Variants in GRID1 observed in about 807,000 individuals in gnomAD.
GRID1 encodes the protein glutamate receptor ionotropic, delta-1.
GRID1 carries 28 observed loss-of-function variants against 98.0 expected under a neutral mutation model. The observed-to-expected ratio is 0.29, with a 90% CI of 0.21 to 0.39. The LOEUF is 0.39. GRID1 is among the 10% of genes least tolerant of loss of function. GRID1 has a pLI of 1.00. For missense variants in GRID1, 1,111 were observed against 1,340.5 expected (o/e 0.83, Z 2.67); for synonymous variants, 553 against 538.5 (o/e 1.03, Z -0.37).
At chr10:85,865,657 A>T (rs901543895) in intron 6 of GRID1, among the ~76,000 whole-genome samples, 2 of 152,016 alleles carry the variant, frequency 1.3e-5, no homozygotes, top group African/African-American at 2.4e-5. Flanking sequence ...CTTCTCGATA[A>T]ATCTCACAGC....
At chr10:85,718,046 C>T (rs1414947686) in intron 12 of GRID1, among the ~76,000 whole-genome samples, 1 of 152,228 alleles carries the variant, frequency 6.6e-6, no homozygotes. Flanking sequence ...CAGCCTCCCT[C>T]ATGGCTGCTT....
intron 2 of GRID1, among the ~76,000 whole-genome samples, chr10:86,256,512 A>C (rs1376722643): frequency 2.0e-5 from 3 of 152,162 alleles, no homozygotes; most frequent in Admixed American, 2.0e-4. Context: ...GACTGCAATT[A>C]AACTCACCCT....
chr10:85,887,320 C>A (rs1841131054), intron 5 of GRID1, among the ~76,000 whole-genome samples: 2 of 152,222 alleles, frequency 1.3e-5, no homozygotes, highest in Admixed American at 6.5e-5. Context: ...GAAGGGGCAT[C>A]TTCTGAGTAG....
At chr10:86,156,693 T>A (rs1459474706) in intron 3 of GRID1, among the ~76,000 whole-genome samples, 1 of 152,116 alleles carries the variant, frequency 6.6e-6, no homozygotes, top group Non-Finnish European at 1.5e-5. Context: ...GTGTGGCTTG[T>A]GATTAATGGT....
chr10:85,689,320 A>C (rs1841306976), intron 12 of GRID1, among the ~76,000 whole-genome samples: 1 of 152,200 alleles, frequency 6.6e-6, no homozygotes, highest in African/African-American at 2.4e-5. Flanking sequence ...AATAGAATGA[A>C]TTGCAAGGGA....
chr10:86,166,845 C>T (rs754729377), intron 3 of GRID1, among the ~76,000 whole-genome samples: 4 of 152,174 alleles, frequency 2.6e-5, no homozygotes, highest in Non-Finnish European at 5.9e-5. Context: ...CTGCTCTGGC[C>T]CAAGTACCTC....
At chr10:85,793,990 A>C (rs1842504036) in intron 8 of GRID1, among the ~76,000 whole-genome samples, 1 of 152,224 alleles carries the variant, frequency 6.6e-6, no homozygotes, top group African/African-American at 2.4e-5. Flanking sequence ...TGTATTGTGA[A>C]TCATGATAAG....
intron 5 of GRID1, among the ~76,000 whole-genome samples, chr10:85,908,991 A>C (rs1841499633): frequency 6.6e-6 from 1 of 152,254 alleles, no homozygotes; most frequent in Non-Finnish European, 1.5e-5. Flanking sequence ...AACTGAAAAG[A>C]TAAGCCACAG....
chr10:86,248,250 C>A (rs1846763352), intron 2 of GRID1, among the ~76,000 whole-genome samples: 1 of 152,184 alleles, frequency 6.6e-6, no homozygotes, highest in Admixed American at 6.5e-5. Context: ...CCACCTTCAC[C>A]CCCGCAGCAG....
chr10:85,939,994 G>A (rs1039051468), intron 4 of GRID1, among the ~76,000 whole-genome samples: 1 of 151,032 alleles, frequency 6.6e-6, no homozygotes, highest in African/African-American at 2.4e-5. Flanking sequence ...TTGAACCTGG[G>A]AGGCGGAGGT....
intron 4 of GRID1, among the ~76,000 whole-genome samples, chr10:85,951,502 G>A (rs1025661785): frequency 1.3e-5 from 2 of 152,132 alleles, no homozygotes; most frequent in Admixed American, 6.5e-5. Context: ...CCCTACTCAT[G>A]ATCAAAAAGC....
intron 2 of GRID1, among the ~76,000 whole-genome samples, chr10:86,328,754 G>A (rs538427796): frequency 6.6e-6 from 1 of 152,138 alleles, no homozygotes; most frequent in South Asian, 2.1e-4. Flanking sequence ...TGTGTGCTTG[G>A]CAAGAACCCC....
At chr10:86,302,270 G>A (rs1234248301) in intron 2 of GRID1, among the ~76,000 whole-genome samples, 1 of 152,238 alleles carries the variant, frequency 6.6e-6, no homozygotes, top group Non-Finnish European at 1.5e-5. Flanking sequence ...AGACACATCT[G>A]CAGCAAGAGG....
intron 12 of GRID1, among the ~76,000 whole-genome samples, chr10:85,701,007 A>G (rs1300605212): frequency 6.6e-6 from 1 of 152,218 alleles, no homozygotes; most frequent in African/African-American, 2.4e-5. Context: ...GAGAACAGAT[A>G]TTCATCCTTA....
At position 86,364,081 on chromosome 10, in the gene GRID1, T is replaced by C. The variant is rs1848641868; in HGVS notation, c.95A>G (p.Glu32Gly). The C allele has an allele frequency of 1.2e-6, 2 of 1,613,902 alleles. No homozygotes were observed. The highest frequency in any genetic ancestry group is 4.5e-5 in the East Asian group (2 of 44,872). The part of the protein sequence containing the change: ...SIIHIGAIFE[E>G]NAAKDDRVFQ... ...CACCCTGTCGTCCTTGGCCGCGTTC[T>C]CCTCGAAGATGGCACCTGGAGGAGA... is the stretch of plus-strand genomic sequence containing the variant. Residue 32 changes from glutamate (E) to glycine (G), a missense_variant, in exon 2 of 16, where the codon GAG (glutamate) becomes GGG (glycine). Glu to Gly is a moderately conservative substitution (Grantham distance 98, BLOSUM62 -2). Coordinates refer to ENST00000327946, the MANE Select transcript of GRID1 (RefSeq NM_017551.3).
intron 8 of GRID1, among the ~76,000 whole-genome samples, chr10:85,798,788 T>A (rs58801854): frequency 0.016 from 2,486 of 152,286 alleles, 69 homozygotes; most frequent in African/African-American, 0.056. Flanking sequence ...AAATATTTAT[T>A]TTCTCCTATT....
At chr10:86,084,615 TAA>T (rs2131933123) in intron 4 of GRID1, among the ~76,000 whole-genome samples, 1 of 152,308 alleles carries the variant, frequency 6.6e-6, no homozygotes, top group Non-Finnish European at 1.5e-5. Flanking sequence ...TCACAATAGC[TAA>T]AACAACTCAA....
At chr10:85,884,327 C>T (rs1251942340) in intron 5 of GRID1, among the ~76,000 whole-genome samples, 1 of 152,144 alleles carries the variant, frequency 6.6e-6, no homozygotes, top group Non-Finnish European at 1.5e-5. Flanking sequence ...GGGACACACA[C>T]CTGCCTCCCA....
chr10:85,704,673 T>C (rs1290048714), intron 12 of GRID1, among the ~76,000 whole-genome samples: 1 of 152,314 alleles, frequency 6.6e-6, no homozygotes, highest in Non-Finnish European at 1.5e-5. Flanking sequence ...TACATTCTTT[T>C]CAGCAACACA....
Sources: gnomAD v4.1 joint callset for allele counts (sites outside exome capture counted in the v4.1 genomes callset) on GRCh38, gnomAD v4.1.1 for gene constraint, MANE v1.5 for transcripts, NCBI Gene and HGNC (gene_info 2026-07-23, HGNC 2026-07-21) for gene names.